MAMDC2: variants seen among roughly 807,000 people sequenced by gnomAD.
MAMDC2 encodes the protein MAM domain-containing protein 2.
Under a neutral mutation model 89.8 loss-of-function variants are expected in MAMDC2, and 57 were observed. The ratio of observed to expected loss-of-function variants is 0.63; its 90% CI spans 0.51 to 0.79. The LOEUF is 0.79. Ranked by LOEUF, MAMDC2 falls within the 30% of genes least tolerant of loss-of-function variation. The probability of loss-of-function intolerance (pLI) is 0.00; values close to 1 mark genes in which losing one functional copy is unlikely to be tolerated. For synonymous variants in MAMDC2, 313 were observed against 293.4 expected (o/e 1.07, Z -0.68); for missense variants, 800 against 820.6 (o/e 0.97, Z 0.31).
chr9:70,118,753 C>T (rs1026907913), intron 5 of MAMDC2, among the ~76,000 whole-genome samples: 7 of 152,182 alleles, frequency 4.6e-5, no homozygotes, highest in African/African-American at 1.7e-4. Flanking sequence ...AAGGGAAGCT[C>T]ATTGTCTACT....
At chr9:70,167,877 T>C (rs1024906279) in intron 9 of MAMDC2, among the ~76,000 whole-genome samples, 2 of 152,200 alleles carry the variant, frequency 1.3e-5, no homozygotes, top group African/African-American at 4.8e-5. Flanking sequence ...CAGATCTTTG[T>C]CTTTGGAAAT....
intron 11 of MAMDC2, among the ~76,000 whole-genome samples, chr9:70,215,351 T>A (rs2033425532): frequency 6.6e-6 from 1 of 152,194 alleles, no homozygotes; most frequent in African/African-American, 2.4e-5. Flanking sequence ...TGACAGGTTT[T>A]TTTGCTATTA....
At chr9:70,059,823 C>T (rs10780773) in intron 2 of MAMDC2, among the ~76,000 whole-genome samples, 75,085 of 152,012 alleles carry the variant, frequency 0.49, 21,634 homozygotes, top group Non-Finnish European at 0.63. Context: ...ACTGCCACAC[C>T]CAAATACCCA....
At chr9:70,123,080 A>G (rs2118325075) in intron 5 of MAMDC2, among the ~76,000 whole-genome samples, 1 of 152,320 alleles carries the variant, frequency 6.6e-6, no homozygotes, top group South Asian at 2.1e-4. Flanking sequence ...TGGCCCCTGC[A>G]ATTAGGTATC....
chr9:70,158,443 A>G (rs1029909007), intron 9 of MAMDC2, among the ~76,000 whole-genome samples: 1 of 151,742 alleles, frequency 6.6e-6, no homozygotes, highest in African/African-American at 2.4e-5. Context: ...CCATTTATAT[A>G]TATACATATA....
rs148270854 is a variant in MAMDC2, at chr9:70,164,460, A to G, written c.1405-4242A>G. On this transcript the variant is annotated intron_variant, in intron 9 of 13. Coordinates refer to ENST00000377182, the MANE Select transcript of MAMDC2 (RefSeq NM_153267.5). Reference sequence around the variant, plus strand: ...TAGGCAGATTTCCTCGGCTATGAATATTCTCCATCAGGACAAACATTTTAA... The same window carrying G: ...TAGGCAGATTTCCTCGGCTATGAATGTTCTCCATCAGGACAAACATTTTAA... Among the ~76,000 whole-genome samples, 595 of 152,228 alleles carry G rather than the reference A, an allele frequency of 3.9e-3. 3 individuals are homozygous for G. The highest frequency in any genetic ancestry group is 0.013 in the African/African-American group (550 of 41,530).
chr9:70,192,239 T>C (rs1297893039), intron 11 of MAMDC2, among the ~76,000 whole-genome samples: 1 of 152,164 alleles, frequency 6.6e-6, no homozygotes, highest in African/African-American at 2.4e-5. Context: ...AAATGGTCTT[T>C]TTTTCTAATT....
In MAMDC2 at chr9:70,108,455, T is replaced by C; in HGVS notation, c.393T>C (p.Asp131=). The C allele has an allele frequency of 1.2e-6, 2 of 1,602,764 alleles. No homozygotes were observed. Among genetic ancestry groups the C allele is most frequent in the Non-Finnish European group, 1.7e-6 (2 of 1,176,088 alleles). Residue 131 remains aspartate (D), a synonymous_variant, in exon 3 of 14, where the codon GAT becomes GAC. Coordinates refer to ENST00000377182, the MANE Select transcript of MAMDC2 (RefSeq NM_153267.5). Reference sequence around the variant, plus strand: ...ACAGCTGGCTCATAGCCAGCTTGGATTTGCAAAACAGTTCCAAGAAATTCA... The same window carrying C: ...ACAGCTGGCTCATAGCCAGCTTGGACTTGCAAAACAGTTCCAAGAAATTCA... ...PSDSWLIASL[D]LQNSSKKFKI... is the part of the protein sequence containing the mutation.
At chr9:70,152,125 C>CTGA (rs2031601483) in intron 9 of MAMDC2, among the ~76,000 whole-genome samples, 1 of 152,172 alleles carries the variant, frequency 6.6e-6, no homozygotes, top group Non-Finnish European at 1.5e-5. Flanking sequence ...CTGTGCCTTT[C>CTGA]TGATGGCCTC....
chr9:70,089,452 C>G (rs1196873213), intron 2 of MAMDC2, among the ~76,000 whole-genome samples: 1 of 152,090 alleles, frequency 6.6e-6, no homozygotes, highest in African/African-American at 2.4e-5. Flanking sequence ...TGCTTTTGTG[C>G]TCTACAAGTT....
chr9:70,142,227 C>G (rs1248573548), intron 8 of MAMDC2, among the ~76,000 whole-genome samples: 1 of 152,042 alleles, frequency 6.6e-6, no homozygotes, highest in Non-Finnish European at 1.5e-5. Flanking sequence ...GTGACCCAGG[C>G]AGAGGGAACA....
chr9:70,096,441 G>A (rs1828029830), intron 2 of MAMDC2, among the ~76,000 whole-genome samples: 3 of 152,212 alleles, frequency 2.0e-5, no homozygotes, highest in South Asian at 4.1e-4. Flanking sequence ...ACTTCAGACA[G>A]AAAGAGGGAG....
At chr9:70,163,648 T>C (rs1234307189) in intron 9 of MAMDC2, among the ~76,000 whole-genome samples, 1 of 152,062 alleles carries the variant, frequency 6.6e-6, no homozygotes, top group Non-Finnish European at 1.5e-5. Flanking sequence ...TGAAATCGAC[T>C]GTGAATCCAA....
At chr9:70,207,006 C>T (rs1209189098) in intron 11 of MAMDC2, among the ~76,000 whole-genome samples, 2 of 152,212 alleles carry the variant, frequency 1.3e-5, no homozygotes, top group African/African-American at 4.8e-5. Flanking sequence ...ATATGTGCCA[C>T]ATTTTCTTAA....
intron 12 of MAMDC2, among the ~76,000 whole-genome samples, chr9:70,220,554 A>G (rs182108612): frequency 4.5e-4 from 69 of 152,356 alleles, no homozygotes; most frequent in Non-Finnish European, 9.0e-4. Context: ...TAGATCAGCC[A>G]TCTGCTACAT....
intron 2 of MAMDC2, among the ~76,000 whole-genome samples, chr9:70,065,778 G>C (rs1212583130): frequency 6.6e-6 from 1 of 152,084 alleles, no homozygotes; most frequent in Non-Finnish European, 1.5e-5. Flanking sequence ...TGTTATTTTT[G>C]TAACAATTAC....
chr9:70,077,659 A>G (rs954687797), intron 2 of MAMDC2, among the ~76,000 whole-genome samples: 1 of 152,202 alleles, frequency 6.6e-6, no homozygotes, highest in Non-Finnish European at 1.5e-5. Flanking sequence ...AGATGATGGT[A>G]GTGTCATGTT....
At chr9:70,158,731 G>A (rs2031856543) in intron 9 of MAMDC2, among the ~76,000 whole-genome samples, 2 of 150,834 alleles carry the variant, frequency 1.3e-5, no homozygotes, top group Admixed American at 6.6e-5. Flanking sequence ...TTGTCCTTGT[G>A]AGGATATCAT....
At position 70,168,753 on chromosome 9, in the gene MAMDC2, C is replaced by T. The variant is rs1427303538; in HGVS notation, c.1456C>T (p.Leu486=). 6.2e-7 allele frequency: 1 copy of T among 1,613,962 alleles called. No homozygotes were observed. The highest frequency in any genetic ancestry group is 8.5e-7 in the Non-Finnish European group (1 of 1,179,998). Residue 486 remains leucine, a synonymous_variant, in exon 10 of 14, where the codon CTG becomes TTG. Transcript: ENST00000377182. The stretch of plus-strand genomic sequence containing the variant: ...TTTCTGGGACTGTGGGCTTGTAGCC[C>T]TGGATGACATTACAATACAATTGGG... The part of the protein sequence containing the change: ...KSFWDCGLVA[L]DDITIQLGSC...
Sources: allele counts gnomAD v4.1 joint callset (sites outside exome capture counted in the v4.1 genomes callset), GRCh38; gene constraint gnomAD v4.1.1; transcripts MANE v1.5; gene names NCBI Gene and HGNC (gene_info 2026-07-23, HGNC 2026-07-21).